SIX4: variants seen among roughly 807,000 people sequenced by gnomAD.
The protein encoded by SIX4 is SIX homeobox 4, also known as homeobox protein SIX4.
SIX4 carries 23 observed loss-of-function variants against 51.5 expected under a neutral mutation model. The ratio of observed to expected loss-of-function variants is 0.45; its 90% CI spans 0.32 to 0.63. SIX4 has a LOEUF of 0.63. Ranked by LOEUF, SIX4 falls within the 30% of genes least tolerant of loss-of-function variation. The pLI is 0.04. For synonymous variants in SIX4, 413 were observed against 417.3 expected, an observed-to-expected ratio of 0.99 and a Z score of 0.13; for missense variants, 867 against 984.0, an observed-to-expected ratio of 0.88 and a Z score of 1.59.
At position 60,723,450 on chromosome 14, in the gene SIX4, G is replaced by C. The variant is rs761421510; in HGVS notation, c.625C>G (p.Arg209Gly). 2 of 1,609,524 alleles carry C rather than the reference G, an allele frequency of 1.2e-6. No homozygotes were observed. The highest frequency in any genetic ancestry group is 3.3e-5 in the Admixed American group (2 of 59,974). Residue 209 changes from arginine (R) to glycine (G), a missense_variant, in exon 1 of 3, where the codon CGG becomes GGG. Coordinates refer to ENST00000216513, the MANE Select transcript of SIX4 (RefSeq NM_017420.5). ...GGCAGGGGGAATTTCCTGCGCAGCC[G>C]GTACTTGTCTACGGCTCCCAGCGGC... ...GRPLGAVDKY[R>G]LRRKFPLPRT...
chr14:60,724,320 G>A lies in SIX4; in HGVS notation c.-246C>T. On this transcript the variant is annotated 5_prime_UTR_variant, in exon 1 of 3. In the 5' UTR this introduces an upstream ATG that the reference lacks. Transcript: ENST00000216513. ...AGCTGCTTTCTGCCGTTCCCCCAAC[G>A]TGACTCCTCCGGTTGCTGCATACTA... The A allele has an allele frequency of 6.7e-7, 1 of 1,493,324 alleles. No homozygotes were observed. The highest frequency in any genetic ancestry group is 2.0e-5 in the Admixed American group (1 of 49,518). The allele number at this position is 1,493,324 out of a possible 1,614,324, so 92.5% of individuals were successfully genotyped here. A position where few individuals can be genotyped will look rare whatever the true frequency, so the allele number is the denominator to read the frequency against.
chr14:60,714,345 ATTACC>A, intron 2 of SIX4, 142 bp from the exon 3 acceptor site: 3 of 705,664 alleles, frequency 4.3e-6, no homozygotes, highest in Non-Finnish European at 6.7e-6. Flanking sequence ...CTGGTTCAGA[ATTACC>A]TTGGGCACCT....
At chr14:60,723,022 C>T in intron 1 of SIX4, 190 bp downstream of exon 1, 14 of 1,342,284 alleles carry the variant, frequency 1.0e-5, no homozygotes, top group Non-Finnish European at 1.4e-5. Context: ...AGGGAGGTTC[C>T]CCCGCCCCCC....
intron 1 of SIX4, 39 bp downstream of exon 1, chr14:60,723,173 G>A: frequency 1.3e-6 from 2 of 1,544,804 alleles, no homozygotes; most frequent in Admixed American, 3.9e-5. Flanking sequence ...AAGGGGGTGG[G>A]GGAGAGGAAG....
At chr14:60,716,749 T>G (rs1486906822) in intron 2 of SIX4, among the ~76,000 whole-genome samples, 1 of 152,192 alleles carries the variant, frequency 6.6e-6, no homozygotes, top group Non-Finnish European at 1.5e-5. Flanking sequence ...CCTAAAACAT[T>G]TTCCTTCCTG....
Position 60,720,288 on chromosome 14 carries a change from T to G in SIX4, c.1021A>C (p.Ile341Leu), listed in dbSNP as rs1196205873. The G allele has an allele frequency of 6.2e-6, 10 of 1,614,210 alleles. No individual in the cohort carries two copies. The highest frequency in any genetic ancestry group is 4.5e-5 in the East Asian group (2 of 44,886). Residue 341 changes from isoleucine (I) to leucine (L), a missense_variant, in exon 2 of 3, where the codon ATA becomes CTA. Ile to Leu is a conservative substitution (Grantham distance 5). Coordinates refer to ENST00000216513, the MANE Select transcript of SIX4 (RefSeq NM_017420.5). The surrounding 1 kb of genome is among the most constrained non-coding windows in gnomAD (Gnocchi z 5.5). ...VYMQQIGNAK[I>L]SLSSSGVLLN... ...AGAACTCCAGAAGAGCTTAATGATA[T>G]CTTAGCATTTCCAATTTGTTGCATA...
At chr14:60,721,062 T>G (rs1220458135) in intron 1 of SIX4, 4 of 985,678 alleles carry the variant, frequency 4.1e-6, no homozygotes, top group Admixed American at 6.1e-5. Context: ...AAAGGCACTT[T>G]CAACCCAAGA....
chr14:60,715,613 T>A (rs1360462422), intron 2 of SIX4, among the ~76,000 whole-genome samples: 1 of 152,198 alleles, frequency 6.6e-6, no homozygotes, highest in African/African-American at 2.4e-5. Context: ...TATAATGGTC[T>A]ATAGAGACCA....
Position 60,723,822 on chromosome 14 carries a change from GTA to G in SIX4, c.251_252del (p.Val84AlafsTer205), listed in dbSNP as rs1191433274. 3.9e-6 allele frequency: 6 copies of G among 1,526,358 alleles called. No individual in the cohort carries two copies. The Admixed American group carries it at 1.3e-4, about 33-fold the overall frequency. 94.6% of individuals were successfully genotyped at this position (1,526,358 alleles called of 1,614,324 possible). ...CTGCCCAGAAGTTCCGAGTGGAGTT[GTA>G]CCTGATCCGCCGCCGCTCCGGCCGC... Reference protein sequence around the residue: ...AAAAGAAADQVQLHSELLGRH... With the variant: ...AAAAGAAADQXQLHSELLGRH... On this transcript the variant is annotated frameshift_variant, in exon 1 of 3. Transcript: ENST00000216513. LOFTEE classifies it high-confidence loss of function.
rs1033236098 is a variant in SIX4, at chr14:60,722,735, G to A, written c.863+477C>T. Reference sequence around the variant, plus strand: ...GGGCGGCTGAACCCTGGGGATCCGGGAGCGTGCGCGCGCGCCAGGCCCGGT... The same window carrying A: ...GGGCGGCTGAACCCTGGGGATCCGGAAGCGTGCGCGCGCGCCAGGCCCGGT... On this transcript the variant is annotated intron_variant, in intron 1 of 2. Transcript: ENST00000216513. This position sits in a 1 kb window ranked among gnomAD's most constrained non-coding sequence, Gnocchi z 5.9. Among the ~76,000 whole-genome samples, 3 of 152,152 alleles carry A rather than the reference G, an allele frequency of 2.0e-5. No individual in the cohort carries two copies. Among genetic ancestry groups the A allele is most frequent in the South Asian group, 2.1e-4 (1 of 4,814 alleles).
intron 2 of SIX4, among the ~76,000 whole-genome samples, chr14:60,716,968 T>C (rs946746152): frequency 2.0e-5 from 3 of 152,268 alleles, no homozygotes; most frequent in African/African-American, 7.2e-5. Context: ...ATGTTTCAGT[T>C]ATTCTCTTAC....
Position 60,722,214 on chromosome 14 carries a change from AAC to A in SIX4, c.863+996_863+997del, listed in dbSNP as rs1896034476. 6.6e-6 allele frequency among the ~76,000 whole-genome samples: 1 copy of A among 152,204 alleles called. No homozygotes were observed. Among genetic ancestry groups the A allele is most frequent in the Admixed American group, 6.5e-5 (1 of 15,280 alleles). ...CTCCTTACTTTGTTTCGTCCAACAAAACACACAGACGCACACACCAAGTGTCT... is the reference window on the plus strand; with the variant it reads ...CTCCTTACTTTGTTTCGTCCAACAAAACACAGACGCACACACCAAGTGTCT... On this transcript the variant is annotated intron_variant, in intron 1 of 2. Transcript: ENST00000216513. The surrounding 1 kb of genome is among the most constrained non-coding windows in gnomAD (Gnocchi z 5.9).
Position 60,713,901 on chromosome 14 carries a change from G to A in SIX4, c.1852C>T (p.His618Tyr). Residue 618 changes from histidine (H) to tyrosine (Y), a missense_variant, in exon 3 of 3, where the codon CAC becomes TAC. Physicochemically the swap from His to Tyr is moderately conservative, Grantham distance 83. Transcript: ENST00000216513. ...ASSLVNVSPT[H>Y]NFSLSPSTLL... ...GTAGAGGGACTGAGAGAAAAATTGT[G>A]AGTTGGAGATACATTAACTAATGAG... 1.2e-6 allele frequency: 2 copies of A among 1,614,164 alleles called. No homozygotes were observed. The highest frequency in any genetic ancestry group is 1.7e-6 in the Non-Finnish European group (2 of 1,180,030).
chr14:60,723,929 G>T lies in SIX4; in HGVS notation c.146C>A (p.Ala49Asp), dbSNP rs1896088455. 5 of 1,512,602 alleles carry T rather than the reference G, an allele frequency of 3.3e-6. No homozygotes were observed. The highest frequency in any genetic ancestry group is 4.4e-6 in the Non-Finnish European group (5 of 1,141,414). 93.7% of individuals were successfully genotyped at this position (1,512,602 alleles called of 1,614,324 possible). The change falls in exon 1 of 3, where the codon GCC becomes GAC. Residue 49 changes from alanine to aspartate, a missense_variant. Coordinates refer to ENST00000216513, the MANE Select transcript of SIX4 (RefSeq NM_017420.5). Reference protein sequence around the residue: ...AAVGLSPPAPAPFPLEPGDAA... With the variant: ...AAVGLSPPAPDPFPLEPGDAA... ...GTCCCCCGGCTCCAGGGGAAAAGGG[G>T]CTGGAGCCGGGGGGCTCAGCCCTAC...
chr14:60,713,875 T>C lies in SIX4; in HGVS notation c.1878A>G (p.Thr626=), dbSNP rs780829055. 15 of 1,614,142 alleles carry C rather than the reference T, an allele frequency of 9.3e-6. No individual in the cohort carries two copies. The highest frequency in any genetic ancestry group is 9.3e-6 in the Non-Finnish European group (11 of 1,180,012). Residue 626 remains threonine, a synonymous_variant, in exon 3 of 3, where the codon ACA becomes ACG. Transcript: ENST00000216513. ...GGTTTAGCTCAGTGGGATTTAGTAG[T>C]GTAGAGGGACTGAGAGAAAAATTGT... ...PTHNFSLSPS[T]LLNPTELNRD...
rs1895872683 is a variant in SIX4 at position 60,714,037 on chromosome 14, C to G, written c.1716G>C (p.Leu572Phe). 6.2e-7 allele frequency: 1 copy of G among 1,613,986 alleles called. No individual in the cohort carries two copies. Among genetic ancestry groups the G allele is most frequent in the Admixed American group, 1.7e-5 (1 of 59,984 alleles). The stretch of plus-strand genomic sequence containing the variant: ...ACTGAGAAAATACCAGGCTCCTTTC[C>G]AAGCCTTCCTGTTTCACAGATCCTA... ...QTIGSVKQEG[L>F]ERSLVFSQLM... The change falls in exon 3 of 3, where the codon TTG becomes TTC. Residue 572 changes from leucine to phenylalanine, a missense_variant. Physicochemically the swap from Leu to Phe is conservative, Grantham distance 22. Transcript: ENST00000216513.
Position 60,720,444 on chromosome 14 carries a change from C to T in SIX4, c.865G>A (p.Glu289Lys). 1 of 1,611,162 alleles carries T rather than the reference C, an allele frequency of 6.2e-7. No individual in the cohort carries two copies. Among genetic ancestry groups the T allele is most frequent in the Non-Finnish European group, 8.5e-7 (1 of 1,178,602 alleles). The change falls in exon 2 of 3, where the codon GAG becomes AAG. Residue 289 changes from glutamate (E) to lysine (K), a missense_variant and splice_region_variant. Glu to Lys is a moderately conservative substitution (Grantham distance 56). Coordinates refer to ENST00000216513, the MANE Select transcript of SIX4 (RefSeq NM_017420.5). The surrounding 1 kb of genome is among the most constrained non-coding windows in gnomAD (Gnocchi z 5.5). ...RNPSETQSKS[E>K]SDGNPSTEDE... is the part of the protein sequence containing the mutation. ...TCAGTGCTGGGGTTGCCATCTGACTCACTGTATGGAGGGGGAAATCAAAAT... is the reference window on the plus strand; with the variant it reads ...TCAGTGCTGGGGTTGCCATCTGACTTACTGTATGGAGGGGGAAATCAAAAT...
rs1896034136 is a variant in SIX4, at chr14:60,722,185, CCTTCT to C, written c.863+1022_863+1026del. The stretch of plus-strand genomic sequence containing the variant: ...CTGGAGACACCAGGTCTTTAGGCGA[CCTTCT>C]CCTTACTTTGTTTCGTCCAACAAAA... On this transcript the variant is annotated intron_variant, in intron 1 of 2. Coordinates refer to ENST00000216513, the MANE Select transcript of SIX4 (RefSeq NM_017420.5). The surrounding 1 kb of genome is among the most constrained non-coding windows in gnomAD (Gnocchi z 5.9). 6.6e-6 allele frequency among the ~76,000 whole-genome samples: 1 copy of C among 152,182 alleles called. No individual in the cohort carries two copies. Among genetic ancestry groups the C allele is most frequent in the Non-Finnish European group, 1.5e-5 (1 of 68,030 alleles).
chr14:60,720,047 A>C lies in SIX4; in HGVS notation c.1262T>G (p.Phe421Cys). 1 of 1,614,160 alleles carries C rather than the reference A, an allele frequency of 6.2e-7. No homozygotes were observed. The highest frequency in any genetic ancestry group is 1.1e-5 in the South Asian group (1 of 91,074). Residue 421 changes from phenylalanine (F) to cysteine (C), a missense_variant, in exon 2 of 3, where the codon TTC becomes TGC. Physicochemically the swap from Phe to Cys is radical, Grantham distance 205. Transcript: ENST00000216513. The surrounding 1 kb of genome is among the most constrained non-coding windows in gnomAD (Gnocchi z 5.5). ...GTTAGCAGAACTCTGGAGGACTTTG[A>C]ATTCCTTCACGTCCTGGGAAGTAGA... ...LGSTSQDVKE[F>C]KVLQSSANSA...
Sources: gnomAD v4.1 joint callset for allele counts (sites outside exome capture counted in the v4.1 genomes callset) on GRCh38, gnomAD v4.1.1 for gene constraint, Gnocchi (gnomAD v3.1) non-coding constraint, MANE v1.5 for transcripts, NCBI Gene and HGNC (gene_info 2026-07-23, HGNC 2026-07-21) for gene names.